AGMO: variants seen among roughly 807,000 people sequenced by gnomAD.
AGMO encodes the protein glyceryl-ether monooxygenase.
A neutral mutation model predicts 60.2 loss-of-function variants in AGMO; 75 were observed. The ratio of observed to expected loss-of-function variants is 1.25; its 90% confidence interval spans 1.03 to 1.51. AGMO has a LOEUF of 1.51. Among genes scored for constraint, AGMO ranks in the 40% most tolerant of loss-of-function variants. The probability of loss-of-function intolerance (pLI) is 0.00; values close to 1 mark genes in which losing one functional copy is unlikely to be tolerated. For missense variants in AGMO, 763 were observed against 525.5 expected, an observed-to-expected ratio of 1.45 and a Z score of -4.42; for synonymous variants, 261 against 177.1, an observed-to-expected ratio of 1.47 and a Z score of -3.76.
chr7:15,338,374 TATA>T (rs755291200), intron 12 of AGMO, among the ~76,000 whole-genome samples: 4 of 152,158 alleles, frequency 2.6e-5, no homozygotes, highest in Non-Finnish European at 4.4e-5. Flanking sequence ...AGAAGGACAA[TATA>T]ATTGCATTCT....
At chr7:15,315,486 C>A (rs1190262388) in intron 12 of AGMO, among the ~76,000 whole-genome samples, 2 of 151,528 alleles carry the variant, frequency 1.3e-5, no homozygotes, top group African/African-American at 4.8e-5. Flanking sequence ...TACAGGCATG[C>A]GCCACCACGC....
At chr7:15,123,256 T>G in the AGMO span, among the ~76,000 whole-genome samples, 1 of 152,102 alleles carries the variant, frequency 6.6e-6, no homozygotes, top group Non-Finnish European at 1.5e-5. Flanking sequence ...AGTCTATTCT[T>G]ATTTACTGTC....
chr7:15,379,433 T>A (rs7458258), intron 10 of AGMO, among the ~76,000 whole-genome samples: 1 of 152,096 alleles, frequency 6.6e-6, no homozygotes. Flanking sequence ...GAGGTTATTA[T>A]CAATGACCCC....
At chr7:15,133,266 A>G in the AGMO span, among the ~76,000 whole-genome samples, 1 of 152,168 alleles carries the variant, frequency 6.6e-6, no homozygotes, top group South Asian at 2.1e-4. Flanking sequence ...TAACTTCAGG[A>G]CAGTAACTGT....
At chr7:15,212,247 TACAC>T (rs57236152) in intron 12 of AGMO, among the ~76,000 whole-genome samples, 5,841 of 146,312 alleles carry the variant, frequency 0.04, 156 homozygotes, top group African/African-American at 0.073. Flanking sequence ...AGGTGTGGAG[TACAC>T]ACACACACAC....
chr7:15,416,832 G>T (rs187218578), intron 5 of AGMO, among the ~76,000 whole-genome samples: 106 of 152,090 alleles, frequency 7.0e-4, no homozygotes, highest in African/African-American at 2.4e-3. Context: ...ATTAATCTGT[G>T]TATTAACTCT....
the AGMO span, among the ~76,000 whole-genome samples, chr7:15,176,647 C>T: frequency 1.3e-5 from 2 of 151,830 alleles, no homozygotes; most frequent in South Asian, 4.1e-4. Flanking sequence ...TTAACACATC[C>T]TTCACTAGAC....
chr7:15,419,474 T>A (rs1310933848), intron 4 of AGMO, among the ~76,000 whole-genome samples: 1 of 152,020 alleles, frequency 6.6e-6, no homozygotes, highest in African/African-American at 2.4e-5. Context: ...TTTATAGAGT[T>A]TATACTTCTG....
chr7:15,336,764 G>A (rs974878105), intron 12 of AGMO, among the ~76,000 whole-genome samples: 3 of 151,956 alleles, frequency 2.0e-5, no homozygotes, highest in African/African-American at 7.2e-5. Context: ...CTAGTCTTAG[G>A]TTATAATAAT....
At chr7:15,327,004 T>A (rs1781357231) in intron 12 of AGMO, among the ~76,000 whole-genome samples, 1 of 152,210 alleles carries the variant, frequency 6.6e-6, no homozygotes, top group African/African-American at 2.4e-5. Context: ...TAAATTGTTC[T>A]GTTTTTGATC....
chr7:15,367,022 A>T (rs1783010851), intron 10 of AGMO, among the ~76,000 whole-genome samples: 2 of 152,050 alleles, frequency 1.3e-5, no homozygotes, highest in South Asian at 4.1e-4. Flanking sequence ...CATGTACGGC[A>T]GTCTTTTTTT....
intron 12 of AGMO, among the ~76,000 whole-genome samples, chr7:15,291,696 C>G (rs1259501806): frequency 6.6e-6 from 1 of 152,046 alleles, no homozygotes; most frequent in African/African-American, 2.4e-5. Flanking sequence ...AACAGAATAC[C>G]TAGCCTAACA....
At chr7:15,438,206 C>T (rs543668193) in intron 3 of AGMO, among the ~76,000 whole-genome samples, 5 of 151,800 alleles carry the variant, frequency 3.3e-5, no homozygotes, top group South Asian at 2.1e-4. Flanking sequence ...GGCTTATTGT[C>T]ATTTGAATAA....
At chr7:15,128,678 C>T in the AGMO span, among the ~76,000 whole-genome samples, 1 of 151,720 alleles carries the variant, frequency 6.6e-6, no homozygotes, top group South Asian at 2.1e-4. Flanking sequence ...AGAAAGTTAC[C>T]CATTACATCT....
chr7:15,142,363 C>G, the AGMO span, among the ~76,000 whole-genome samples: 1 of 152,080 alleles, frequency 6.6e-6, no homozygotes, highest in African/African-American at 2.4e-5. Context: ...ACTTATGAAC[C>G]ATAACAGTCA....
intron 9 of AGMO, among the ~76,000 whole-genome samples, chr7:15,385,953 G>T (rs941210526): frequency 2.6e-5 from 4 of 152,232 alleles, no homozygotes; most frequent in Admixed American, 6.5e-5. Context: ...GGCCGAGGCA[G>T]GCGGATCATT....
intron 12 of AGMO, among the ~76,000 whole-genome samples, chr7:15,296,265 T>C (rs1398609266): frequency 2.0e-5 from 3 of 152,178 alleles, no homozygotes; most frequent in Admixed American, 1.3e-4. Flanking sequence ...TCTGCAAAAA[T>C]AGACTTCTAC....
chr7:15,394,342 A>G (rs1784282024), intron 5 of AGMO, among the ~76,000 whole-genome samples, 163 bp from the exon 6 acceptor site: 1 of 152,284 alleles, frequency 6.6e-6, no homozygotes, highest in Admixed American at 6.5e-5. Context: ...GAATTCATAT[A>G]AAGACAATAG....
chr7:15,522,029 T>C (rs779671402), intron 3 of AGMO, among the ~76,000 whole-genome samples: 1 of 151,986 alleles, frequency 6.6e-6, no homozygotes, highest in Admixed American at 6.6e-5. Context: ...TGTGCAAAAA[T>C]CACAAGCCTC....
Sources: gnomAD v4.1 joint callset for allele counts (sites outside exome capture counted in the v4.1 genomes callset) on GRCh38, gnomAD v4.1.1 for gene constraint, MANE v1.5 for transcripts, NCBI Gene and HGNC (gene_info 2026-07-23, HGNC 2026-07-21) for gene names.